EPM2A: variants seen among roughly 807,000 people sequenced by gnomAD.
EPM2A encodes laforin.
EPM2A carries 21 observed loss-of-function variants against 26.5 expected under a neutral mutation model. The ratio of observed to expected loss-of-function variants is 0.79; its 90% confidence interval spans 0.56 to 1.14. The LOEUF (loss-of-function observed/expected upper bound fraction) is 1.14. Among genes scored for constraint, EPM2A ranks in the 50% most tolerant of loss-of-function variants. The pLI is 0.00. For synonymous variants in EPM2A, 217 were observed against 177.6 expected (o/e 1.22, Z -1.76); for missense variants, 458 against 440.8 (o/e 1.04, Z -0.35).
chr6:145,445,950 T>C (rs1257165667), intron 4 of EPM2A, among the ~76,000 whole-genome samples: 1 of 152,206 alleles, frequency 6.6e-6, no homozygotes, highest in Non-Finnish European at 1.5e-5. Flanking sequence ...ACCTTCTGCC[T>C]GACTCTTTGG....
At chr6:145,432,812 A>C (rs1778939447) in intron 4 of EPM2A, among the ~76,000 whole-genome samples, 1 of 152,198 alleles carries the variant, frequency 6.6e-6, no homozygotes, top group South Asian at 2.1e-4. Flanking sequence ...ATATTTGTTT[A>C]GTATAGCCAT....
chr6:145,424,745 A>C (rs1464906865), intron 4 of EPM2A, among the ~76,000 whole-genome samples: 1 of 152,178 alleles, frequency 6.6e-6, no homozygotes, highest in African/African-American at 2.4e-5. Flanking sequence ...GACCCCAGAA[A>C]GCTGCCTTGC....
At chr6:145,451,918 A>G (rs555220060) in intron 4 of EPM2A, among the ~76,000 whole-genome samples, 1 of 152,366 alleles carries the variant, frequency 6.6e-6, no homozygotes, top group East Asian at 1.9e-4. Flanking sequence ...TTCTGAGACC[A>G]AAAGCGTTGG....
chr6:145,514,514 G>A (rs1020402900), intron 2 of EPM2A, among the ~76,000 whole-genome samples: 4 of 152,134 alleles, frequency 2.6e-5, no homozygotes, highest in African/African-American at 9.7e-5. Flanking sequence ...TGTGGATTCA[G>A]TGTGTTAGCT....
At chr6:145,390,272 T>A (rs1182066782) in intron 4 of EPM2A, among the ~76,000 whole-genome samples, 1 of 152,024 alleles carries the variant, frequency 6.6e-6, no homozygotes, top group East Asian at 1.9e-4. Flanking sequence ...TGGAGACTAA[T>A]CTGCTTTACT....
chr6:145,494,022 CT>C (rs1400799134), intron 4 of EPM2A, among the ~76,000 whole-genome samples: 1 of 152,192 alleles, frequency 6.6e-6, no homozygotes, highest in African/African-American at 2.4e-5. Flanking sequence ...AGCAGTCCCT[CT>C]TTTTCCATTG....
chr6:145,427,080 T>C (rs191844380), intron 4 of EPM2A, among the ~76,000 whole-genome samples: 31 of 152,320 alleles, frequency 2.0e-4, no homozygotes, highest in African/African-American at 5.8e-4. Context: ...GAAATTTAAA[T>C]GGACAGAGCA....
intron 2 of EPM2A, among the ~76,000 whole-genome samples, 154 bp downstream of exon 2, chr6:145,685,968 C>T (rs537665508): frequency 6.6e-6 from 1 of 152,306 alleles, no homozygotes; most frequent in African/African-American, 2.4e-5. Flanking sequence ...AAATCTCACA[C>T]ACTGATTCAC....
chr6:145,473,852 C>T (rs1254844305), intron 4 of EPM2A, among the ~76,000 whole-genome samples: 3 of 150,498 alleles, frequency 2.0e-5, no homozygotes, highest in African/African-American at 7.5e-5. Context: ...TAAAGACTTT[C>T]CCAGACAAAC....
chr6:145,665,552 C>G (rs1342095121), intron 2 of EPM2A, among the ~76,000 whole-genome samples: 1 of 142,442 alleles, frequency 7.0e-6, no homozygotes, highest in East Asian at 2.1e-4. Flanking sequence ...AGTCCAGGAC[C>G]AGATGGATTC....
intron 2 of EPM2A, among the ~76,000 whole-genome samples, chr6:145,509,069 C>A (rs543813855): frequency 6.7e-4 from 102 of 152,122 alleles, no homozygotes; most frequent in African/African-American, 2.4e-3. Context: ...ATTAACAAAG[C>A]TTTTGAGAAA....
intron 1 of EPM2A, chr6:145,734,967 C>T (rs1391323421): frequency 3.2e-6 from 1 of 314,106 alleles, no homozygotes; most frequent in Non-Finnish European, 5.7e-6. Context: ...GCCGGGAGCG[C>T]TATACGGGTC....
intron 1 of EPM2A, among the ~76,000 whole-genome samples, chr6:145,708,876 G>T (rs1238812312): frequency 6.6e-6 from 1 of 152,220 alleles, no homozygotes; most frequent in Admixed American, 6.5e-5. Context: ...GCCCATGAAA[G>T]CAGCCAGGAG....
In EPM2A at chr6:145,384,075, T is replaced by C. The variant is rs1778225738; in HGVS notation, c.579A>G (p.Arg193=). The C allele has an allele frequency of 7.3e-5, 11 of 150,074 alleles. No individual in the cohort carries two copies. In the Admixed American group the frequency reaches 7.4e-4, roughly 10 times the overall value. The allele number at this position is 150,074 out of a possible 1,614,324, so 9.3% of individuals were successfully genotyped here. A position where few individuals can be genotyped will look rare whatever the true frequency, so the allele number is the denominator to read the frequency against. The change falls in exon 5 of 5, where the codon AGA becomes AGG. Residue 193 remains arginine, a synonymous_variant. Coordinates refer to the EPM2A transcript ENST00000638717. The stretch of plus-strand genomic sequence containing the variant: ...TCTGTATGTTTGTCTTTGTCCATTT[T>C]CTTCCTCCTCTTAGTATCTGGCCTG...
At chr6:145,537,392 GA>G (rs1582834034) in intron 2 of EPM2A, among the ~76,000 whole-genome samples, 1 of 152,254 alleles carries the variant, frequency 6.6e-6, no homozygotes, top group East Asian at 1.9e-4. Flanking sequence ...TGACTACGGT[GA>G]TTAGACACAA....
At chr6:145,545,360 A>G (rs181344421) in intron 2 of EPM2A, among the ~76,000 whole-genome samples, 2 of 152,248 alleles carry the variant, frequency 1.3e-5, no homozygotes, top group East Asian at 1.9e-4. Flanking sequence ...GTCAAATCAT[A>G]CAAGCACAGC....
intron 4 of EPM2A, among the ~76,000 whole-genome samples, chr6:145,462,224 G>A (rs1509213): frequency 0.65 from 99,225 of 152,000 alleles, 33,092 homozygotes; most frequent in East Asian, 0.82. Flanking sequence ...ATTTCCAGGA[G>A]TGTCAGATAG....
At chr6:145,548,486 G>A (rs928270032) in intron 2 of EPM2A, among the ~76,000 whole-genome samples, 1 of 152,064 alleles carries the variant, frequency 6.6e-6, no homozygotes, top group Non-Finnish European at 1.5e-5. Flanking sequence ...AAGGTCCTTG[G>A]GAGCAGCCTT....
intron 4 of EPM2A, among the ~76,000 whole-genome samples, chr6:145,439,012 C>G (rs936399027): frequency 6.6e-6 from 1 of 152,010 alleles, no homozygotes. Context: ...CCCTCTTTCT[C>G]TCCATGTGTT....
Sources: gnomAD v4.1 joint callset for allele counts (sites outside exome capture counted in the v4.1 genomes callset) on GRCh38, gnomAD v4.1.1 for gene constraint, MANE v1.5 for transcripts, NCBI Gene and HGNC (gene_info 2026-07-23, HGNC 2026-07-21) for gene names.